MIR2052HG: variants seen among roughly 807,000 people sequenced by gnomAD.
MIR2052HG encodes the protein MIR2052 host gene.
At chr8:74,602,852 T>TCTTTCTTTCTTTCTTTCTTTCTTTC in intron 1 of MIR2052HG, among the ~76,000 whole-genome samples, 4 of 143,940 alleles carry the variant, frequency 2.8e-5, no homozygotes, top group East Asian at 2.0e-4. Flanking sequence ...TTTCTTTCTT[T>TCTTTCTTTCTTTCTTTCTTTCTTTC]CTTTCTTTCT....
At chr8:74,676,374 TA>T (rs1809052470) in intron 2 of MIR2052HG, among the ~76,000 whole-genome samples, 1 of 151,994 alleles carries the variant, frequency 6.6e-6, no homozygotes, top group African/African-American at 2.4e-5. Context: ...TCATTGCAGT[TA>T]AAATGATTTA....
intron 1 of MIR2052HG, among the ~76,000 whole-genome samples, chr8:74,602,413 T>C (rs1326214171): frequency 6.6e-6 from 1 of 152,166 alleles, no homozygotes; most frequent in Non-Finnish European, 1.5e-5. Flanking sequence ...AACTCATGAA[T>C]AATCCATCCC....
intron 2 of MIR2052HG, among the ~76,000 whole-genome samples, chr8:74,670,867 CT>C (rs572315468): frequency 2.0e-4 from 31 of 151,534 alleles, no homozygotes; most frequent in African/African-American, 4.1e-4. Flanking sequence ...ATTTCTTTCT[CT>C]TTTTTTTTCT....
chr8:74,699,173 G>A (rs552716391), intron 2 of MIR2052HG, among the ~76,000 whole-genome samples: 1 of 152,212 alleles, frequency 6.6e-6, no homozygotes, highest in South Asian at 2.1e-4. Context: ...ATGTAAACTA[G>A]TATAGCCGCT....
At chr8:74,658,450 G>A (rs1023954193) in intron 2 of MIR2052HG, among the ~76,000 whole-genome samples, 5 of 151,562 alleles carry the variant, frequency 3.3e-5, no homozygotes. Flanking sequence ...GAGTGCAATG[G>A]CGTGATCTTG....
rs140939748 is a variant in MIR2052HG, at chr8:74,647,681, C to T, written n.216+34741C>T. On this transcript the variant is annotated intron_variant and non_coding_transcript_variant, in intron 2 of 6. Transcript: ENST00000523442. ...ACTATTATTTGTTTCTTATTTGTTGCGGGAAGTCAGGGACCCAGAATGGAG... is the reference window on the plus strand; with the variant it reads ...ACTATTATTTGTTTCTTATTTGTTGTGGGAAGTCAGGGACCCAGAATGGAG... Among the ~76,000 whole-genome samples, 324 of 152,188 alleles carry T rather than the reference C, an allele frequency of 2.1e-3. 3 individuals are homozygous for T. Among genetic ancestry groups the T allele is most frequent in the African/African-American group, 7.1e-3 (293 of 41,522 alleles).
intron 2 of MIR2052HG, among the ~76,000 whole-genome samples, chr8:74,633,697 A>C (rs981647638): frequency 6.6e-6 from 1 of 152,174 alleles, no homozygotes. Context: ...TTGGGGCTGC[A>C]CTCAGCATTG....
chr8:74,692,677 A>C (rs1301633475), intron 2 of MIR2052HG, among the ~76,000 whole-genome samples: 1 of 152,232 alleles, frequency 6.6e-6, no homozygotes, highest in Non-Finnish European at 1.5e-5. Context: ...TATACTTCAA[A>C]GAGAAAACAT....
Position 74,687,579 on chromosome 8 carries a change from G to A in MIR2052HG, n.217-14800G>A, listed in dbSNP as rs549716445. On this transcript the variant is annotated intron_variant and non_coding_transcript_variant, in intron 2 of 6. Coordinates refer to ENST00000523442, the Ensembl canonical transcript of MIR2052HG. ...TTATACTAAGTAGAATAAGCCAGGC[G>A]CAGAGGGGTGAATATACTGCCTGAT... Among the ~76,000 whole-genome samples, 6 of 152,220 alleles carry A rather than the reference G, an allele frequency of 3.9e-5. No individual in the cohort carries two copies. In the East Asian group the frequency reaches 5.8e-4, roughly 15 times the overall value.
At chr8:74,692,707 C>T (rs563152073) in intron 2 of MIR2052HG, among the ~76,000 whole-genome samples, 7 of 152,288 alleles carry the variant, frequency 4.6e-5, no homozygotes, top group African/African-American at 1.7e-4. Context: ...GTTGTTTCTA[C>T]CCTTTGATGT....
intron 2 of MIR2052HG, among the ~76,000 whole-genome samples, chr8:74,700,105 A>G (rs1212203726): frequency 6.6e-6 from 1 of 152,164 alleles, no homozygotes; most frequent in African/African-American, 2.4e-5. Context: ...TAGGGATATG[A>G]GATGGTTTTT....
intron 2 of MIR2052HG, among the ~76,000 whole-genome samples, chr8:74,660,170 G>A (rs551098733): frequency 1.2e-3 from 188 of 152,124 alleles, no homozygotes; most frequent in African/African-American, 4.4e-3. Context: ...GGCTCTTCTC[G>A]GCTCACCTGA....
chr8:74,651,579 A>T (rs1036213734), intron 2 of MIR2052HG, among the ~76,000 whole-genome samples: 1 of 152,212 alleles, frequency 6.6e-6, no homozygotes, highest in Non-Finnish European at 1.5e-5. Flanking sequence ...AACAAAAAAC[A>T]AAAATTTAGT....
At chr8:74,700,741 T>C (rs780079488) in intron 2 of MIR2052HG, among the ~76,000 whole-genome samples, 3 of 152,042 alleles carry the variant, frequency 2.0e-5, no homozygotes, top group Non-Finnish European at 2.9e-5. Context: ...GATGAAAAAA[T>C]AATGGATGTT....
chr8:74,703,554 C>T (rs1478045922), intron 3 of MIR2052HG: 7 of 407,572 alleles, frequency 1.7e-5, no homozygotes, highest in African/African-American at 8.4e-5. Flanking sequence ...ACCCATCCCC[C>T]TTCATGATGG....
chr8:74,618,284 A>G (rs1263505893), intron 2 of MIR2052HG, among the ~76,000 whole-genome samples: 3 of 152,156 alleles, frequency 2.0e-5, no homozygotes, highest in Non-Finnish European at 4.4e-5. Context: ...AGAATTTATC[A>G]CTATCAGTTT....
chr8:74,697,846 G>A (rs1402694129), intron 2 of MIR2052HG, among the ~76,000 whole-genome samples: 1 of 152,090 alleles, frequency 6.6e-6, no homozygotes. Context: ...ATTGATGAAA[G>A]AAATCATAGA....
intron 4 of MIR2052HG, among the ~76,000 whole-genome samples, chr8:74,746,474 C>G (rs1255174671): frequency 6.6e-6 from 1 of 151,752 alleles, no homozygotes; most frequent in Non-Finnish European, 1.5e-5. Context: ...GTAAATAACT[C>G]CAAGCAAAAG....
chr8:74,620,781 C>T (rs996038000), intron 2 of MIR2052HG, among the ~76,000 whole-genome samples: 12 of 152,196 alleles, frequency 7.9e-5, no homozygotes, highest in African/African-American at 2.9e-4. Flanking sequence ...AGGTCTCTGA[C>T]CTTTTCCCCA....
Sources: allele counts gnomAD v4.1 joint callset (sites outside exome capture counted in the v4.1 genomes callset), GRCh38; gene constraint gnomAD v4.1.1; transcripts MANE v1.5; gene names NCBI Gene and HGNC (gene_info 2026-07-23, HGNC 2026-07-21).